RLN2: variants seen among roughly 807,000 people sequenced by gnomAD.
The protein encoded by RLN2 is prorelaxin H2.
Under a neutral mutation model 7.3 loss-of-function variants are expected in RLN2, and 10 were observed. The observed-to-expected ratio is 1.36, with a 90% CI of 0.84 to 2.31. The LOEUF is 2.31. RLN2 is among the 30% of genes most tolerant of loss of function. RLN2 has a pLI of 0.00. For synonymous variants in RLN2, 103 were observed against 82.3 expected (o/e 1.25, Z -1.36); for missense variants, 298 against 217.6 (o/e 1.37, Z -2.32).
chr9:5,301,401 G>T (rs184633000), intron 1 of RLN2, among the ~76,000 whole-genome samples: 35 of 152,266 alleles, frequency 2.3e-4, no homozygotes, highest in Non-Finnish European at 3.5e-4. Context: ...CCAGTTAAAA[G>T]ATATAAATTT....
chr9:5,320,462 TC>T, the RLN2 span, among the ~76,000 whole-genome samples: 2 of 151,452 alleles, frequency 1.3e-5, no homozygotes, highest in African/African-American at 4.9e-5. Flanking sequence ...CCTCCACCTC[TC>T]AGGTTCAAGT....
chr9:5,335,064 T>C, the RLN2 span: 7 of 490,298 alleles, frequency 1.4e-5, no homozygotes, highest in African/African-American at 3.9e-5. Flanking sequence ...GACTTCAGCA[T>C]AGAAAGTGTC....
At chr9:5,316,971 G>A in the RLN2 span, among the ~76,000 whole-genome samples, 1 of 152,008 alleles carries the variant, frequency 6.6e-6, no homozygotes, top group African/African-American at 2.4e-5. Flanking sequence ...GTCTAGAGTT[G>A]TTGTATGGGA....
chr9:5,330,515 G>A, the RLN2 span, among the ~76,000 whole-genome samples: 1 of 151,272 alleles, frequency 6.6e-6, no homozygotes, highest in Non-Finnish European at 1.5e-5. Context: ...GCGGGGGCCT[G>A]TAGTCCCAGC....
the RLN2 span, among the ~76,000 whole-genome samples, chr9:5,325,747 A>G: frequency 1.3e-5 from 2 of 152,110 alleles, no homozygotes; most frequent in African/African-American, 4.8e-5. Context: ...GGGTATTCAC[A>G]AGCCAATATC....
chr9:5,330,816 T>G, the RLN2 span, among the ~76,000 whole-genome samples: 1 of 149,068 alleles, frequency 6.7e-6, no homozygotes, highest in East Asian at 1.9e-4. Context: ...GGAGCTGGTT[T>G]TTTGAAAAGA....
chr9:5,328,177 G>A, the RLN2 span, among the ~76,000 whole-genome samples: 4 of 151,948 alleles, frequency 2.6e-5, no homozygotes, highest in Non-Finnish European at 4.4e-5. Flanking sequence ...AAAGTTAGAC[G>A]AATGGCTAAC....
At chr9:5,307,276 GAT>G (rs1250119325), upstream of RLN2, among the ~76,000 whole-genome samples, 1,585 of 38,768 alleles carry the variant, frequency 0.041, 26 homozygotes, top group Middle Eastern at 0.13. Context: ...ATAGAGGATA[GAT>G]AGATAGATAG....
chr9:5,305,359 CCACACACACA>C (rs34733616), upstream of RLN2, among the ~76,000 whole-genome samples: 1,063 of 121,876 alleles, frequency 8.7e-3, 22 homozygotes, highest in African/African-American at 0.024. Flanking sequence ...GGAGAACATA[CCACACACACA>C]CACACACACA....
chr9:5,300,190 G>C lies in RLN2; in HGVS notation c.466C>G (p.His156Asp), dbSNP rs1181368860. The C allele has an allele frequency of 2.5e-6, 4 of 1,613,418 alleles. No homozygotes were observed. The highest frequency in any genetic ancestry group is 3.4e-6 in the Non-Finnish European group (4 of 1,179,710). ...TAGAGTTGTCTCTTTTTTCGAGAAT[G>C]AGTATCCAAGCCTAAGTATTTTAAT... ...SELKYLGLDTHSRKKRQLYSA... is the reference protein window; with the variant it reads ...SELKYLGLDTDSRKKRQLYSA... The change falls in exon 2 of 2, where the codon CAT (histidine) becomes GAT (aspartate). Residue 156 changes from histidine (H) to aspartate (D), a missense_variant. Transcript: ENST00000381627.
chr9:5,314,816 T>C, the RLN2 span, among the ~76,000 whole-genome samples: 1 of 152,014 alleles, frequency 6.6e-6, no homozygotes, highest in Admixed American at 6.6e-5. Context: ...TATGTCCCAC[T>C]ATCCCCAGGT....
At chr9:5,333,054 C>T in the RLN2 span, among the ~76,000 whole-genome samples, 2 of 152,010 alleles carry the variant, frequency 1.3e-5, no homozygotes, top group African/African-American at 4.8e-5. Flanking sequence ...AATTTAATCT[C>T]ATTCTATGTT....
chr9:5,317,785 A>G, the RLN2 span, among the ~76,000 whole-genome samples: 2 of 151,998 alleles, frequency 1.3e-5, 1 homozygote, highest in Non-Finnish European at 2.9e-5. Context: ...TGAACATGTC[A>G]AAAATGCTCA....
At chr9:5,328,906 C>G in the RLN2 span, among the ~76,000 whole-genome samples, 36 of 152,156 alleles carry the variant, frequency 2.4e-4, no homozygotes, top group Middle Eastern at 6.8e-3. Flanking sequence ...ACCATCAGGG[C>G]TGCCTTACGA....
At chr9:5,319,270 T>C in the RLN2 span, among the ~76,000 whole-genome samples, 2 of 152,002 alleles carry the variant, frequency 1.3e-5, no homozygotes, top group Admixed American at 6.6e-5. Context: ...GAAGCCTACA[T>C]GACTTCCTGA....
the RLN2 span, among the ~76,000 whole-genome samples, chr9:5,313,537 A>T: frequency 6.6e-6 from 1 of 151,990 alleles, no homozygotes; most frequent in African/African-American, 2.4e-5. Context: ...TCTATGTCTT[A>T]AAAACTTTTT....
At chr9:5,304,162 T>A in intron 1 of RLN2, 1 of 457,564 alleles carries the variant, frequency 2.2e-6, no homozygotes, top group Non-Finnish European at 3.7e-6. Flanking sequence ...CTCCGTCCGG[T>A]GAGATTCCCA....
the RLN2 span, among the ~76,000 whole-genome samples, chr9:5,320,479 T>A: frequency 6.6e-6 from 1 of 151,900 alleles, no homozygotes; most frequent in African/African-American, 2.4e-5. Context: ...CAAGTGATTC[T>A]CCTGCCTCAG....
chr9:5,319,424 C>T, the RLN2 span, among the ~76,000 whole-genome samples: 1 of 151,520 alleles, frequency 6.6e-6, no homozygotes, highest in African/African-American at 2.4e-5. Flanking sequence ...ATGGAACGTC[C>T]CATGAGGATT....
Sources: allele counts gnomAD v4.1 joint callset (sites outside exome capture counted in the v4.1 genomes callset), GRCh38; gene constraint gnomAD v4.1.1; transcripts MANE v1.5; gene names NCBI Gene and HGNC (gene_info 2026-07-23, HGNC 2026-07-21).